The following ELP3 variants were observed in gnomAD, a reference collection of about 807,000 sequenced individuals.
The protein encoded by ELP3 is elongator complex protein 3.
A neutral mutation model predicts 74.9 loss-of-function variants in ELP3; 56 were observed. The observed-to-expected ratio is 0.75, with a 90% CI of 0.60 to 0.93. The LOEUF is 0.93. Ranked by LOEUF, ELP3 falls within the 40% of genes least tolerant of loss-of-function variation. The pLI, the probability that ELP3 is intolerant of heterozygous loss-of-function variation, is 0.00. For missense variants in ELP3, 573 were observed against 686.5 expected (o/e 0.83, Z 1.85); for synonymous variants, 222 against 239.8 (o/e 0.93, Z 0.68).
chr8:28,105,428 A>C (rs1195039229), intron 3 of ELP3, among the ~76,000 whole-genome samples: 1 of 152,214 alleles, frequency 6.6e-6, no homozygotes, highest in African/African-American at 2.4e-5. Flanking sequence ...GGCTTATCTT[A>C]GACTTTCTTT....
intron 14 of ELP3, among the ~76,000 whole-genome samples, chr8:28,163,414 C>T (rs1212979555): frequency 1.3e-5 from 2 of 151,628 alleles, no homozygotes; most frequent in Non-Finnish European, 2.9e-5. Context: ...AAATCAATAC[C>T]CATGCTTGGG....
At chr8:28,106,038 T>G (rs912384957) in intron 3 of ELP3, among the ~76,000 whole-genome samples, 1 of 152,230 alleles carries the variant, frequency 6.6e-6, no homozygotes, top group African/African-American at 2.4e-5. Flanking sequence ...ATAGAATTGC[T>G]TAAAGAAATT....
chr8:28,141,970 C>A (rs1403499039), intron 10 of ELP3, among the ~76,000 whole-genome samples: 1 of 152,216 alleles, frequency 6.6e-6, no homozygotes, highest in Admixed American at 6.5e-5. Flanking sequence ...TTTGCATTTT[C>A]TCCCTTCGTT....
chr8:28,188,671 G>A (rs1275157335), intron 14 of ELP3, among the ~76,000 whole-genome samples: 2 of 152,220 alleles, frequency 1.3e-5, no homozygotes, highest in Non-Finnish European at 2.9e-5. Flanking sequence ...ACCTCACCCA[G>A]TGTGCCTTTT....
At chr8:28,145,701 G>A (rs781060522) in intron 10 of ELP3, among the ~76,000 whole-genome samples, 1 of 152,192 alleles carries the variant, frequency 6.6e-6, no homozygotes, top group Non-Finnish European at 1.5e-5. Flanking sequence ...TCAGCTCACT[G>A]CAACCTCCGC....
chr8:28,137,802 T>A lies in ELP3; in HGVS notation c.1011T>A (p.Tyr337Ter), dbSNP rs747580164. The A allele has an allele frequency of 1.1e-5, 18 of 1,614,118 alleles. No individual in the cohort carries two copies. Among genetic ancestry groups the A allele is most frequent in the Non-Finnish European group, 1.5e-5 (18 of 1,180,002 alleles). ...ATGAGCTTTGGAAATCAGGAAGATA[T>A]AAGAGTTACTCTCCTAGTGACCTGG... Reference protein sequence around the residue: ...GLYELWKSGRYKSYSPSDLVE... With the variant: ...GLYELWKSGR Residue 337 changes from tyrosine (Y) to a stop codon, truncating the protein, a stop_gained, in exon 10 of 15, where the codon TAT becomes TAA. Transcript: ENST00000256398. LOFTEE classifies it high-confidence loss of function.
chr8:28,115,068 AG>A (rs1318517830), intron 7 of ELP3, among the ~76,000 whole-genome samples: 3 of 152,176 alleles, frequency 2.0e-5, no homozygotes, highest in African/African-American at 7.2e-5. Flanking sequence ...AATGGTAGGA[AG>A]GTAGGGTAGG....
chr8:28,114,098 A>G (rs1019392538), intron 7 of ELP3, among the ~76,000 whole-genome samples: 1 of 151,826 alleles, frequency 6.6e-6, no homozygotes, highest in Non-Finnish European at 1.5e-5. Flanking sequence ...GAACACCTGG[A>G]TAGTTACTAT....
chr8:28,143,566 T>C (rs1169628902), intron 10 of ELP3, among the ~76,000 whole-genome samples: 2 of 152,244 alleles, frequency 1.3e-5, no homozygotes, highest in African/African-American at 2.4e-5. Context: ...TTTAGAATAA[T>C]CTTCATGGTT....
chr8:28,148,212 A>G (rs1813503729), intron 10 of ELP3, among the ~76,000 whole-genome samples: 3 of 152,204 alleles, frequency 2.0e-5, no homozygotes, highest in African/African-American at 7.2e-5. Flanking sequence ...TAATACTACA[A>G]TAGCATTAGG....
At chr8:28,140,114 TTG>T (rs56981709) in intron 10 of ELP3, among the ~76,000 whole-genome samples, 2,413 of 143,714 alleles carry the variant, frequency 0.017, 26 homozygotes, top group African/African-American at 0.036. Flanking sequence ...TGTACATATT[TTG>T]TGTGTGTGTG....
chr8:28,177,315 C>G (rs951887947), intron 14 of ELP3, among the ~76,000 whole-genome samples: 1 of 152,122 alleles, frequency 6.6e-6, no homozygotes, highest in South Asian at 2.1e-4. Flanking sequence ...GGATAGAAAC[C>G]TTTTCCCAAC....
chr8:28,135,009 A>C (rs1364389904), intron 9 of ELP3, among the ~76,000 whole-genome samples: 1 of 150,888 alleles, frequency 6.6e-6, no homozygotes, highest in East Asian at 1.9e-4. Context: ...GCTCACTGCA[A>C]CCTCTGCCTC....
In ELP3 at chr8:28,108,332, A is replaced by T. The variant is rs145752557; in HGVS notation, c.393+356A>T. On this transcript the variant is annotated intron_variant, in intron 5 of 14. Coordinates refer to ENST00000256398, the MANE Select transcript of ELP3 (RefSeq NM_018091.6). ...GCAGGCTTAAACAGCTGGCCCAAAGACACACTATTAGTAAGTGACAACCAG... is the reference window on the plus strand; with the variant it reads ...GCAGGCTTAAACAGCTGGCCCAAAGTCACACTATTAGTAAGTGACAACCAG... Among the ~76,000 whole-genome samples the T allele has an allele frequency of 2.4e-3, 364 of 152,320 alleles. 1 individual carries two copies. The highest frequency in any genetic ancestry group is 8.4e-3 in the African/African-American group (348 of 41,562).
At chr8:28,133,437 TTTTTTC>T (rs1812859310) in intron 9 of ELP3, among the ~76,000 whole-genome samples, 1 of 151,386 alleles carries the variant, frequency 6.6e-6, no homozygotes, top group African/African-American at 2.4e-5. Flanking sequence ...CCTTTTTTTT[TTTTTTC>T]TTCAAATGCC....
intron 2 of ELP3, among the ~76,000 whole-genome samples, chr8:28,099,389 G>A (rs1811382615): frequency 6.6e-6 from 1 of 152,114 alleles, no homozygotes; most frequent in East Asian, 1.9e-4. Context: ...ACAACAGGAA[G>A]ACAAGAAGAA....
intron 14 of ELP3, among the ~76,000 whole-genome samples, chr8:28,166,703 T>G (rs1278172197): frequency 1.3e-5 from 2 of 152,224 alleles, no homozygotes; most frequent in Non-Finnish European, 2.9e-5. Context: ...ATAATCACCG[T>G]GGAAACGGAG....
At chr8:28,132,686 C>T (rs887958068) in intron 9 of ELP3, among the ~76,000 whole-genome samples, 2 of 152,090 alleles carry the variant, frequency 1.3e-5, no homozygotes, top group Non-Finnish European at 2.9e-5. Flanking sequence ...ATATATATGA[C>T]ATAGGAAATT....
chr8:28,129,883 C>T (rs998145405), intron 8 of ELP3, among the ~76,000 whole-genome samples: 3 of 152,180 alleles, frequency 2.0e-5, no homozygotes, highest in African/African-American at 7.2e-5. Flanking sequence ...AGCCTGTAAA[C>T]ACACTCATCT....
Sources: gnomAD v4.1 joint callset for allele counts (sites outside exome capture counted in the v4.1 genomes callset) on GRCh38, gnomAD v4.1.1 for gene constraint, MANE v1.5 for transcripts, NCBI Gene and HGNC (gene_info 2026-07-23, HGNC 2026-07-21) for gene names.